SYN3: variants seen among roughly 807,000 people sequenced by gnomAD.
The protein encoded by SYN3 is synapsin-3.
Under a neutral mutation model 65.8 loss-of-function variants are expected in SYN3, and 35 were observed. That is an observed-to-expected ratio of 0.53 (90% CI 0.41 to 0.70). The LOEUF is 0.70. Among genes scored for constraint, SYN3 ranks in the 30% least tolerant of loss-of-function variants. The pLI is 0.00. For synonymous variants in SYN3, 270 were observed against 292.9 expected, an observed-to-expected ratio of 0.92 and a Z score of 0.80; for missense variants, 680 against 749.0, an observed-to-expected ratio of 0.91 and a Z score of 1.08.
chr22:32,547,837 G>A (rs1245721304), intron 7 of SYN3, among the ~76,000 whole-genome samples: 1 of 152,192 alleles, frequency 6.6e-6, no homozygotes, highest in Non-Finnish European at 1.5e-5. Context: ...CAATAGCAGG[G>A]AGCTTACTAT....
chr22:33,001,931 C>G (rs1419842702), intron 2 of SYN3, among the ~76,000 whole-genome samples: 1 of 152,154 alleles, frequency 6.6e-6, no homozygotes, highest in East Asian at 1.9e-4. Flanking sequence ...TGACAAACAG[C>G]TGAGCCAGGG....
At chr22:32,891,493 G>A (rs1219590613) in intron 4 of SYN3, among the ~76,000 whole-genome samples, 3 of 152,126 alleles carry the variant, frequency 2.0e-5, no homozygotes, top group Non-Finnish European at 4.4e-5. Context: ...GGTCTGAAGA[G>A]CGCTCAGCAT....
At chr22:32,709,982 T>C (rs1277939159) in intron 6 of SYN3, among the ~76,000 whole-genome samples, 1 of 151,660 alleles carries the variant, frequency 6.6e-6, no homozygotes, top group Non-Finnish European at 1.5e-5. Context: ...GTGAATGGCT[T>C]TGCATATAAA....
intron 6 of SYN3, among the ~76,000 whole-genome samples, chr22:32,799,548 C>G (rs528888649): frequency 1.1e-4 from 16 of 152,240 alleles, no homozygotes; most frequent in African/African-American, 3.9e-4. Context: ...TTGGACAAAA[C>G]TGAAATGTGA....
At chr22:32,679,519 G>A (rs1484465753) in intron 6 of SYN3, among the ~76,000 whole-genome samples, 6 of 152,120 alleles carry the variant, frequency 3.9e-5, no homozygotes, top group Middle Eastern at 3.4e-3. Context: ...TGGATCATAC[G>A]GTAGTTCTAC....
At chr22:32,718,495 T>C (rs2061069977) in intron 6 of SYN3, among the ~76,000 whole-genome samples, 2 of 151,410 alleles carry the variant, frequency 1.3e-5, no homozygotes, top group South Asian at 2.1e-4. Flanking sequence ...ATAGTCCTTT[T>C]TTCAAGGACT....
intron 6 of SYN3, among the ~76,000 whole-genome samples, chr22:32,625,038 C>T (rs1422568715): frequency 1.3e-5 from 2 of 152,228 alleles, no homozygotes; most frequent in Non-Finnish European, 2.9e-5. Flanking sequence ...CACTTGCCCG[C>T]TGCCTTTCTA....
intron 6 of SYN3, among the ~76,000 whole-genome samples, chr22:32,747,186 T>C (rs1482006957): frequency 6.6e-6 from 1 of 152,156 alleles, no homozygotes; most frequent in Non-Finnish European, 1.5e-5. Flanking sequence ...ACGATTTTTC[T>C]TTTTCAGACA....
intron 2 of SYN3, among the ~76,000 whole-genome samples, chr22:33,001,657 T>C (rs1050592067): frequency 1.3e-5 from 2 of 152,206 alleles, no homozygotes; most frequent in African/African-American, 4.8e-5. Flanking sequence ...TAATATACAC[T>C]TATGCAGTAC....
At chr22:32,975,173 G>A (rs1316286059) in intron 3 of SYN3, among the ~76,000 whole-genome samples, 3 of 152,110 alleles carry the variant, frequency 2.0e-5, no homozygotes, top group Admixed American at 2.0e-4. Context: ...TCAGGAGATT[G>A]AGACCATCCT....
At chr22:33,046,365 C>T (rs750466292) in intron 1 of SYN3, among the ~76,000 whole-genome samples, 1 of 152,184 alleles carries the variant, frequency 6.6e-6, no homozygotes, top group Non-Finnish European at 1.5e-5. Flanking sequence ...CAAAAACTCA[C>T]ATCCACACAA....
In SYN3 at chr22:32,822,643, A is replaced by G. The variant is rs185554897; in HGVS notation, c.711+42272T>C. ...TGTCTATTGCAAATAGACTGCTTAG[A>G]TTATGGTGCGTTCATACAGTGAAGA... On this transcript the variant is annotated intron_variant, in intron 6 of 13. Coordinates refer to ENST00000358763, the MANE Select transcript of SYN3 (RefSeq NM_003490.4). Among the ~76,000 whole-genome samples the G allele has an allele frequency of 2.0e-4, 30 of 152,320 alleles. No homozygotes were observed. In the East Asian group the frequency reaches 4.8e-3, roughly 24 times the overall value.
chr22:32,946,130 G>C (rs2051101249), intron 3 of SYN3, among the ~76,000 whole-genome samples: 1 of 152,226 alleles, frequency 6.6e-6, no homozygotes, highest in Non-Finnish European at 1.5e-5. Context: ...GGAAGACAGT[G>C]TGGCGATTCC....
At chr22:32,813,759 C>T (rs1200046623) in intron 6 of SYN3, among the ~76,000 whole-genome samples, 1 of 152,032 alleles carries the variant, frequency 6.6e-6, no homozygotes, top group Non-Finnish European at 1.5e-5. Context: ...AAACCTTGGC[C>T]TCGTTCATGG....
At chr22:32,945,476 C>A (rs1277722189) in intron 3 of SYN3, among the ~76,000 whole-genome samples, 1 of 152,130 alleles carries the variant, frequency 6.6e-6, no homozygotes, top group Non-Finnish European at 1.5e-5. Context: ...GCTGGGAAAA[C>A]TGGCTAGCCA....
chr22:32,868,844 C>A (rs1042729137), intron 5 of SYN3, 122 bp downstream of exon 5: 3 of 756,636 alleles, frequency 4.0e-6, no homozygotes, highest in East Asian at 3.2e-5. Flanking sequence ...AAGTTCAGTT[C>A]AGTTGCTTAA....
intron 6 of SYN3, among the ~76,000 whole-genome samples, chr22:32,619,000 C>A (rs2059558592): frequency 6.6e-6 from 1 of 152,202 alleles, no homozygotes; most frequent in Non-Finnish European, 1.5e-5. Flanking sequence ...ACTCTAAATG[C>A]AGGTGTTTCT....
At chr22:32,564,936 G>A (rs1011683317) in intron 7 of SYN3, among the ~76,000 whole-genome samples, 1 of 132,196 alleles carries the variant, frequency 7.6e-6, no homozygotes, top group Non-Finnish European at 1.6e-5. Flanking sequence ...CTCCCGGATT[G>A]TACCCAAACA....
intron 6 of SYN3, among the ~76,000 whole-genome samples, chr22:32,808,199 A>G (rs1395787015): frequency 6.6e-6 from 1 of 152,214 alleles, no homozygotes; most frequent in Non-Finnish European, 1.5e-5. Flanking sequence ...TTTGACTTTG[A>G]GGACTTACAT....
Sources: allele counts gnomAD v4.1 joint callset (sites outside exome capture counted in the v4.1 genomes callset), GRCh38; gene constraint gnomAD v4.1.1; transcripts MANE v1.5; gene names NCBI Gene and HGNC (gene_info 2026-07-23, HGNC 2026-07-21).